The following ELMO1 variants were observed in gnomAD, a reference collection of about 807,000 sequenced individuals.
ELMO1 encodes the protein engulfment and cell motility protein 1.
ELMO1 carries 26 observed loss-of-function variants against 98.9 expected under a neutral mutation model. The observed-to-expected ratio is 0.26, with a 90% CI of 0.19 to 0.36. ELMO1 has a LOEUF of 0.36. Ranked by LOEUF, ELMO1 falls within the 10% of genes least tolerant of loss-of-function variation. The probability of loss-of-function intolerance (pLI) is 1.00; values close to 1 mark genes in which losing one functional copy is unlikely to be tolerated. For missense variants in ELMO1, 627 were observed against 935.2 expected (o/e 0.67, Z 4.30); for synonymous variants, 346 against 346.0 (o/e 1.00, Z 0.00).
At chr7:36,964,555 T>C (rs1489323067) in intron 16 of ELMO1, among the ~76,000 whole-genome samples, 2 of 152,232 alleles carry the variant, frequency 1.3e-5, no homozygotes, top group Non-Finnish European at 1.5e-5. Flanking sequence ...AGTCTGTACA[T>C]TAGGTTTAGA....
intron 6 of ELMO1, among the ~76,000 whole-genome samples, chr7:37,246,015 G>C (rs1482501489): frequency 6.6e-6 from 1 of 152,166 alleles, no homozygotes; most frequent in Non-Finnish European, 1.5e-5. Context: ...ACACGAATCT[G>C]CTTGATATTA....
chr7:36,953,259 G>C (rs2129107649), intron 16 of ELMO1, among the ~76,000 whole-genome samples: 1 of 152,184 alleles, frequency 6.6e-6, no homozygotes, highest in South Asian at 2.1e-4. Flanking sequence ...GAGCCACCGT[G>C]CCTCTCTTGA....
At chr7:37,447,567 G>C (rs554289680) in intron 1 of ELMO1, among the ~76,000 whole-genome samples, 2 of 151,656 alleles carry the variant, frequency 1.3e-5, no homozygotes, top group East Asian at 3.9e-4. Context: ...GGCGGGAGAG[G>C]GTCACTGGGC....
chr7:37,060,650 AAAAT>A lies in ELMO1; in HGVS notation c.1300+35965_1300+35968del, dbSNP rs200369164. On this transcript the variant is annotated intron_variant, in intron 15 of 21. Transcript: ENST00000310758. ...TGTACCCTCTGAACCTAAAAGTCCAAAAATAAATAAATAAAAAATAACAAAAAAC... is the reference window on the plus strand; with the variant it reads ...TGTACCCTCTGAACCTAAAAGTCCAAAAATAAATAAAAAATAACAAAAAAC... Among the ~76,000 whole-genome samples the A allele has an allele frequency of 7.8e-3, 1,082 of 138,486 alleles. 13 individuals carry two copies. Among genetic ancestry groups the A allele is most frequent in the African/African-American group, 0.032 (1,024 of 32,142 alleles). The allele number at this position is 138,486 out of a possible 152,430, so 90.9% of individuals were successfully genotyped here.
chr7:37,123,848 A>C (rs188432237), intron 14 of ELMO1, among the ~76,000 whole-genome samples: 1 of 152,362 alleles, frequency 6.6e-6, no homozygotes. Flanking sequence ...AGAGAATTTT[A>C]GACCAATATC....
rs185604309 is a variant in ELMO1, at chr7:36,973,881, G to A, written c.1437+39418C>T. 8.1e-3 allele frequency among the ~76,000 whole-genome samples: 1,236 copies of A among 152,352 alleles called. 27 individuals are homozygous for A. The highest frequency in any genetic ancestry group is 0.031 in the Middle Eastern group (9 of 294). ...CCGAGCAATGAGGGGCTTAGCACCC[G>A]GGCCAGCGGCTGCAGAGGGTGTACT... On this transcript the variant is annotated intron_variant, in intron 16 of 21. Coordinates refer to ENST00000310758, the MANE Select transcript of ELMO1 (RefSeq NM_014800.11).
intron 18 of ELMO1, among the ~76,000 whole-genome samples, chr7:36,882,459 G>C (rs1364330350): frequency 6.6e-6 from 1 of 152,152 alleles, no homozygotes; most frequent in Non-Finnish European, 1.5e-5. Flanking sequence ...AGAGACGAAG[G>C]GCATCAAATC....
intron 13 of ELMO1, among the ~76,000 whole-genome samples, chr7:37,195,518 CCT>C (rs1791913573): frequency 6.6e-6 from 1 of 152,200 alleles, no homozygotes; most frequent in Admixed American, 6.5e-5. Context: ...TCCACAGGCC[CCT>C]GTCTCACACC....
chr7:37,271,821 G>A lies in ELMO1; in HGVS notation c.243+11C>T, dbSNP rs372121870. On this transcript the variant is annotated intron_variant, in intron 5 of 21. Coordinates refer to ENST00000310758, the MANE Select transcript of ELMO1 (RefSeq NM_014800.11). ...GAGTTTGCTGGAAGTCAGAAGCTAA[G>A]ATCAACTTACTGGAGATGTGGTTAA... 221 of 1,613,482 alleles carry A rather than the reference G, an allele frequency of 1.4e-4. 1 individual carries two copies. The African/African-American group carries it at 2.7e-3, about 20-fold the overall frequency.
rs887010071 is a variant in ELMO1, at chr7:36,853,494, G to A, written c.*2057C>T. Among the ~76,000 whole-genome samples, 3 of 152,138 alleles carry A rather than the reference G, an allele frequency of 2.0e-5. No individual in the cohort carries two copies. Among genetic ancestry groups the A allele is most frequent in the Non-Finnish European group, 4.4e-5 (3 of 68,038 alleles). On this transcript the variant is annotated 3_prime_UTR_variant, in exon 22 of 22. Coordinates refer to ENST00000310758, the MANE Select transcript of ELMO1 (RefSeq NM_014800.11). ...ACACTTACTGTTTTATCATGATGAT[G>A]GGTAGATTAATAACTGCTCCTGATA...
intron 13 of ELMO1, among the ~76,000 whole-genome samples, chr7:37,183,439 G>A (rs956584213): frequency 7.2e-5 from 11 of 152,188 alleles, no homozygotes; most frequent in African/African-American, 2.7e-4. Context: ...GGGGAGAAGA[G>A]GAGGGAACCA....
At chr7:37,008,409 T>TAAAGCCTATTTTTGTC in intron 16 of ELMO1, among the ~76,000 whole-genome samples, 1 of 152,348 alleles carries the variant, frequency 6.6e-6, no homozygotes, top group Admixed American at 6.5e-5. Context: ...AATTTCAGCT[T>TAAAGCCTATTTTTGTC]AAAGCCTATT....
chr7:37,077,796 C>T (rs147594164), intron 15 of ELMO1, among the ~76,000 whole-genome samples: 11 of 152,230 alleles, frequency 7.2e-5, no homozygotes, highest in Middle Eastern at 3.4e-3. Flanking sequence ...TGCATTTTCA[C>T]TTTTTCTTGA....
At chr7:36,892,367 AG>A (rs528525080) in intron 17 of ELMO1, among the ~76,000 whole-genome samples, 3 of 152,154 alleles carry the variant, frequency 2.0e-5, no homozygotes, top group South Asian at 4.1e-4. Context: ...CTAACCCTCA[AG>A]CTTGGGTTAG....
intron 17 of ELMO1, among the ~76,000 whole-genome samples, chr7:36,894,301 C>T (rs1805798914): frequency 6.6e-6 from 1 of 152,170 alleles, no homozygotes. Context: ...TGCTGCCTCC[C>T]CACTGTAGGA....
chr7:36,855,551 TC>T lies in ELMO1; in HGVS notation c.2183del (p.Ter728=). On this transcript the variant is annotated frameshift_variant and stop_lost, in exon 22 of 22. Transcript: ENST00000310758. LOFTEE classifies it high-confidence loss of function. The surrounding 1 kb of genome is among the most constrained non-coding windows in gnomAD (Gnocchi z 4.2). ...SNYDFVYDCN[*>X] ...AGGGGCATGTCTGGGCCCGGCCACT[TC>T]AGTTACAGTCATAGACGAAGTCATA... is the stretch of plus-strand genomic sequence containing the variant. 1 of 1,614,000 alleles carries T rather than the reference TC, an allele frequency of 6.2e-7. No homozygotes were observed. The highest frequency in any genetic ancestry group is 1.1e-5 in the South Asian group (1 of 91,082).
chr7:37,174,965 C>G (rs1294882607), intron 13 of ELMO1, among the ~76,000 whole-genome samples: 2 of 151,774 alleles, frequency 1.3e-5, no homozygotes, highest in Non-Finnish European at 2.9e-5. Flanking sequence ...AAATTTAAAG[C>G]CTATTTTCTC....
rs71780142 is a variant in ELMO1 at position 37,171,483 on chromosome 7, A to ATTTTTTTTTT, written c.1087-38259_1087-38250dup. On this transcript the variant is annotated intron_variant, in intron 13 of 21. Coordinates refer to ENST00000310758, the MANE Select transcript of ELMO1 (RefSeq NM_014800.11). Reference sequence around the variant, plus strand: ...TTTATTCTTGTAACCAGGCCTTTCTATTTTTTTTTTTTTTTTTTTTTTTTT... The same window carrying ATTTTTTTTTT: ...TTTATTCTTGTAACCAGGCCTTTCTATTTTTTTTTTTTTTTTTTTTTTTTTTTTTTTTTTT... Among the ~76,000 whole-genome samples the ATTTTTTTTTT allele has an allele frequency of 3.6e-4, 30 of 82,936 alleles. 4 individuals carry two copies. The highest frequency in any genetic ancestry group is 6.0e-4 in the Admixed American group (3 of 4,986). The allele number at this position is 82,936 out of a possible 152,430, so 54.4% of individuals were successfully genotyped here.
At chr7:37,232,404 A>G (rs1475319941) in intron 8 of ELMO1, among the ~76,000 whole-genome samples, 1 of 152,262 alleles carries the variant, frequency 6.6e-6, no homozygotes, top group Non-Finnish European at 1.5e-5. Context: ...CCATGATTTA[A>G]TCTACATTTA....
Sources: allele counts gnomAD v4.1 joint callset (sites outside exome capture counted in the v4.1 genomes callset), GRCh38; gene constraint gnomAD v4.1.1; non-coding constraint Gnocchi (gnomAD v3.1); transcripts MANE v1.5; gene names NCBI Gene and HGNC (gene_info 2026-07-23, HGNC 2026-07-21).